The following NDST4 variants were observed in gnomAD, a reference collection of about 807,000 sequenced individuals.
NDST4 encodes the protein N-deacetylase and N-sulfotransferase 4.
A neutral mutation model predicts 100.8 loss-of-function variants in NDST4; 63 were observed. The ratio of observed to expected loss-of-function variants is 0.62; its 90% CI spans 0.51 to 0.77. The LOEUF is 0.77. Ranked by LOEUF, NDST4 falls within the 30% of genes least tolerant of loss-of-function variation. The pLI is 0.00. For missense variants in NDST4, 943 were observed against 1,018.4 expected (o/e 0.93, Z 1.01); for synonymous variants, 377 against 361.8 (o/e 1.04, Z -0.48).
Position 114,970,538 on chromosome 4 carries a change from C to T in NDST4, c.1113G>A (p.Val371=), listed in dbSNP as rs1726489603. The change falls in exon 4 of 14, where the codon GTG becomes GTA. Residue 371 remains valine, a synonymous_variant. Coordinates refer to ENST00000264363, the MANE Select transcript of NDST4 (RefSeq NM_022569.3). ...DEGDDLLLRS[V]DEFWWFPHMW... ...TGTGAGGAAACCACCAGAACTCATC[C>T]ACAGACCGAAGTAAAAGGTCATCTC... The T allele has an allele frequency of 6.2e-7, 1 of 1,613,966 alleles. No homozygotes were observed. The highest frequency in any genetic ancestry group is 8.5e-7 in the Non-Finnish European group (1 of 1,179,874).
chr4:114,891,005 C>T (rs1724582735), intron 6 of NDST4, among the ~76,000 whole-genome samples: 2 of 151,918 alleles, frequency 1.3e-5, no homozygotes, highest in Admixed American at 1.3e-4. Flanking sequence ...TGGGTTTGAC[C>T]TCTACACCGA....
chr4:114,994,712 A>T (rs2126253170), intron 2 of NDST4, among the ~76,000 whole-genome samples: 1 of 152,174 alleles, frequency 6.6e-6, no homozygotes, highest in Non-Finnish European at 1.5e-5. Context: ...TTAGATGATG[A>T]TACAACAAGA....
At chr4:115,107,116 C>T (rs1219005024) in intron 1 of NDST4, among the ~76,000 whole-genome samples, 1 of 152,014 alleles carries the variant, frequency 6.6e-6, no homozygotes, top group Non-Finnish European at 1.5e-5. Context: ...TATGATTGCT[C>T]CACTGCCTCC....
chr4:114,976,698 T>C (rs1353993623), intron 3 of NDST4, among the ~76,000 whole-genome samples: 2 of 151,958 alleles, frequency 1.3e-5, no homozygotes, highest in Admixed American at 1.3e-4. Context: ...GAAAAAATCC[T>C]GCAAGTGAAG....
chr4:115,077,278 A>T lies in NDST4; in HGVS notation c.-242T>A, dbSNP rs1729209329. On this transcript the variant is annotated 5_prime_UTR_variant, in exon 2 of 14. It removes an upstream start codon present in the reference 5' UTR. Coordinates refer to ENST00000264363, the MANE Select transcript of NDST4 (RefSeq NM_022569.3). Reference sequence around the variant, plus strand: ...AGAATTGCTGCAGAATCCTCTAAGCATAATCTGAAAGAGAGGAGAGATGTA... The same window carrying T: ...AGAATTGCTGCAGAATCCTCTAAGCTTAATCTGAAAGAGAGGAGAGATGTA... 3.4e-6 allele frequency: 1 copy of T among 292,994 alleles called. No individual in the cohort carries two copies. The highest frequency in any genetic ancestry group is 4.7e-5 in the Admixed American group (1 of 21,434). The allele number at this position is 292,994 out of a possible 1,614,324, so 18.1% of individuals were successfully genotyped here.
chr4:114,863,825 T>A (rs1553949636), intron 7 of NDST4, among the ~76,000 whole-genome samples: 1 of 152,202 alleles, frequency 6.6e-6, no homozygotes, highest in Non-Finnish European at 1.5e-5. Flanking sequence ...GCAGAAGATT[T>A]CCTGAAGCAA....
Position 114,848,208 on chromosome 4 carries a change from T to G in NDST4, c.1940+7A>C. ...TAATGGAATTTATTTTTTGTTATTTTTCTTACCAGTCTATTCCTTTGTGAT... is the reference window on the plus strand; with the variant it reads ...TAATGGAATTTATTTTTTGTTATTTGTCTTACCAGTCTATTCCTTTGTGAT... On this transcript the variant is annotated splice_region_variant and intron_variant, in intron 9 of 13. Coordinates refer to ENST00000264363, the MANE Select transcript of NDST4 (RefSeq NM_022569.3). 2 of 1,590,994 alleles carry G rather than the reference T, an allele frequency of 1.3e-6. No individual in the cohort carries two copies. The highest frequency in any genetic ancestry group is 8.5e-7 in the Non-Finnish European group (1 of 1,172,998).
At chr4:114,947,367 C>A (rs1471538328) in intron 4 of NDST4, among the ~76,000 whole-genome samples, 1 of 152,072 alleles carries the variant, frequency 6.6e-6, no homozygotes, top group African/African-American at 2.4e-5. Context: ...GGAAAGCAAG[C>A]GCCCAAGAAG....
chr4:115,044,657 A>G (rs968395627), intron 2 of NDST4, among the ~76,000 whole-genome samples: 1 of 151,820 alleles, frequency 6.6e-6, no homozygotes, highest in Non-Finnish European at 1.5e-5. Flanking sequence ...TATACCAAAC[A>G]TGTTAGGAAA....
intron 10 of NDST4, among the ~76,000 whole-genome samples, chr4:114,842,993 G>T (rs1408059195): frequency 6.6e-6 from 1 of 151,700 alleles, no homozygotes; most frequent in Admixed American, 6.6e-5. Flanking sequence ...CTATTTCAAA[G>T]TTATTATAGT....
At chr4:115,097,073 T>C (rs1729634041) in intron 1 of NDST4, among the ~76,000 whole-genome samples, 1 of 152,112 alleles carries the variant, frequency 6.6e-6, no homozygotes, top group Admixed American at 6.6e-5. Context: ...CAATTTATGT[T>C]TTTTCTTAAT....
chr4:114,953,037 T>A (rs1726056563), intron 4 of NDST4, among the ~76,000 whole-genome samples: 1 of 150,412 alleles, frequency 6.6e-6, no homozygotes, highest in Non-Finnish European at 1.5e-5. Flanking sequence ...TTTTTCTTTT[T>A]TTTTTTTTGT....
In NDST4 at chr4:115,076,511, G is replaced by T; in HGVS notation, c.526C>A (p.Gln176Lys). Residue 176 changes from glutamine to lysine, a missense_variant, in exon 2 of 14, where the codon CAA (glutamine) becomes AAA (lysine). Gln to Lys is a moderately conservative substitution (Grantham distance 53, BLOSUM62 1). Coordinates refer to ENST00000264363, the MANE Select transcript of NDST4 (RefSeq NM_022569.3). ...KANENSLPST[Q>K]LKGFPLNLFN... Reference sequence around the variant, plus strand: ...AGGTTTAACGGAAAGCCTTTTAATTGTGTACTTGGTAAGCTGTTCTCATTG... The same window carrying T: ...AGGTTTAACGGAAAGCCTTTTAATTTTGTACTTGGTAAGCTGTTCTCATTG... 2 of 1,613,970 alleles carry T rather than the reference G, an allele frequency of 1.2e-6. No individual in the cohort carries two copies. Among genetic ancestry groups the T allele is most frequent in the Non-Finnish European group, 1.7e-6 (2 of 1,179,944 alleles).
At chr4:114,859,921 A>G (rs1371176108) in intron 7 of NDST4, among the ~76,000 whole-genome samples, 1 of 152,194 alleles carries the variant, frequency 6.6e-6, no homozygotes, top group Non-Finnish European at 1.5e-5. Context: ...TTCTGCTTCT[A>G]GGGAACACTA....
intron 6 of NDST4, among the ~76,000 whole-genome samples, chr4:114,888,398 A>C (rs1055527201): frequency 2.6e-5 from 4 of 152,152 alleles, no homozygotes; most frequent in Non-Finnish European, 2.9e-5. Context: ...AGCATGGCTC[A>C]AGCTTAAAGG....
chr4:114,900,596 C>T (rs916611303), intron 6 of NDST4, among the ~76,000 whole-genome samples: 1 of 152,078 alleles, frequency 6.6e-6, no homozygotes, highest in Non-Finnish European at 1.5e-5. Flanking sequence ...TTCAGCTCAG[C>T]AATATGCTGT....
intron 2 of NDST4, among the ~76,000 whole-genome samples, chr4:115,020,215 A>C (rs1727780075): frequency 6.6e-6 from 1 of 152,150 alleles, no homozygotes; most frequent in Non-Finnish European, 1.5e-5. Flanking sequence ...AAGTGATCAT[A>C]GTCAGAATGT....
intron 12 of NDST4, among the ~76,000 whole-genome samples, chr4:114,830,545 G>A (rs749971586): frequency 6.6e-6 from 1 of 152,140 alleles, no homozygotes; most frequent in Non-Finnish European, 1.5e-5. Context: ...CTCTAATGTC[G>A]TTTTGCTCAC....
intron 2 of NDST4, among the ~76,000 whole-genome samples, chr4:115,015,543 G>T (rs927908072): frequency 1.1e-4 from 17 of 151,944 alleles, no homozygotes; most frequent in Admixed American, 7.9e-4. Flanking sequence ...TTGAAAAATT[G>T]GTAACAAATT....
Sources: gnomAD v4.1 joint callset for allele counts (sites outside exome capture counted in the v4.1 genomes callset) on GRCh38, gnomAD v4.1.1 for gene constraint, MANE v1.5 for transcripts, NCBI Gene and HGNC (gene_info 2026-07-23, HGNC 2026-07-21) for gene names.